GRIA3: variants seen among roughly 807,000 people sequenced by gnomAD.
The protein encoded by GRIA3 is glutamate ionotropic receptor AMPA type subunit 3.
A neutral mutation model predicts 63.0 loss-of-function variants in GRIA3; 3 were observed. The ratio of observed to expected loss-of-function variants is 0.05; its 90% confidence interval spans 0.02 to 0.12. The LOEUF is 0.12. Ranked by LOEUF, GRIA3 falls within the 10% of genes least tolerant of loss-of-function variation. The probability of loss-of-function intolerance (pLI) is 1.00; values close to 1 mark genes in which losing one functional copy is unlikely to be tolerated. For synonymous variants in GRIA3, 274 were observed against 257.9 expected, an observed-to-expected ratio of 1.06 and a Z score of -0.60; for missense variants, 347 against 700.9, an observed-to-expected ratio of 0.50 and a Z score of 5.70.
intron 5 of GRIA3, among the ~76,000 whole-genome samples, chrX:123,387,235 C>G (rs1190719586): frequency 9.0e-6 from 1 of 111,104 alleles, no homozygotes; most frequent in East Asian, 2.8e-4. Context: ...ATTTCTCTCT[C>G]AGCTAGATCA....
intron 12 of GRIA3, among the ~76,000 whole-genome samples, chrX:123,434,092 T>C (rs1222745875): frequency 9.0e-6 from 1 of 111,692 alleles, no homozygotes; most frequent in Non-Finnish European, 1.9e-5. Flanking sequence ...TTGAAGTATA[T>C]GCAGGAAGGG....
In GRIA3 at chrX:123,326,369, GAA is replaced by G. The variant is rs56808544; in HGVS notation, c.696+172_696+173del. On this transcript the variant is annotated intron_variant, in intron 4 of 15. Coordinates refer to ENST00000620443, the MANE Select transcript of GRIA3 (RefSeq NM_007325.5). ...CCTTTTTTCCTCCCCAGTGGCTGCA[GAA>G]AAAAAAAAAAAAAAAGAAAGAAAGA... Among the ~76,000 whole-genome samples, 10,248 of 69,797 alleles carry G rather than the reference GAA, an allele frequency of 0.15. 574 individuals carry two copies. Among genetic ancestry groups the G allele is most frequent in the South Asian group, 0.34 (403 of 1,194 alleles). 60.6% of individuals were successfully genotyped at this position (69,797 alleles called of 115,157 possible). A position where few individuals can be genotyped will look rare whatever the true frequency, so the allele number is the denominator to read the frequency against.
At chrX:123,450,306 A>T (rs1336800436) in intron 12 of GRIA3, among the ~76,000 whole-genome samples, 1 of 112,402 alleles carries the variant, frequency 8.9e-6, no homozygotes, top group Non-Finnish European at 1.9e-5. Context: ...AAGAAGATCA[A>T]GGTTATATAA....
chrX:123,443,030 A>T (rs918865632), intron 12 of GRIA3, among the ~76,000 whole-genome samples: 1 of 109,731 alleles, frequency 9.1e-6, no homozygotes, highest in Non-Finnish European at 1.9e-5. Flanking sequence ...AAAAGGAAAA[A>T]CCTTTCCTCT....
At chrX:123,362,149 A>G (rs756897464) in intron 5 of GRIA3, among the ~76,000 whole-genome samples, 8 of 111,490 alleles carry the variant, frequency 7.2e-5, no homozygotes, top group Non-Finnish European at 1.3e-4. Flanking sequence ...TTCTATATAT[A>G]CCACTGTATG....
intron 2 of GRIA3, among the ~76,000 whole-genome samples, chrX:123,238,974 G>T (rs747352000): frequency 1.8e-5 from 2 of 110,626 alleles, no homozygotes; most frequent in Non-Finnish European, 3.8e-5. Flanking sequence ...TATATCTCCA[G>T]CATCTGGCAC....
At chrX:123,332,385 T>C (rs1236565274) in intron 4 of GRIA3, among the ~76,000 whole-genome samples, 1 of 112,031 alleles carries the variant, frequency 8.9e-6, no homozygotes, top group East Asian at 2.8e-4. Flanking sequence ...TGTATGTGTA[T>C]ATATGTGTAT....
chrX:123,289,777 C>A (rs1004397897), intron 3 of GRIA3, among the ~76,000 whole-genome samples: 94 of 110,605 alleles, frequency 8.5e-4, no homozygotes, highest in Non-Finnish European at 2.7e-4. Flanking sequence ...TCCACCCCCC[C>A]AACCAAGACA....
rs758336089 is a variant in GRIA3 at position 123,423,928 on chromosome X, T to C, written c.1878-4013T>C. Reference sequence around the variant, plus strand: ...AACAAGAGCATTGTATATTATTTGATGTACGTATTTTGCAGTGCTTTTTAT... The same window carrying C: ...AACAAGAGCATTGTATATTATTTGACGTACGTATTTTGCAGTGCTTTTTAT... On this transcript the variant is annotated intron_variant, in intron 11 of 15. Transcript: ENST00000620443. 2.0e-3 allele frequency among the ~76,000 whole-genome samples: 221 copies of C among 112,132 alleles called. 1 individual carries two copies. The highest frequency in any genetic ancestry group is 3.2e-3 in the Admixed American group (34 of 10,514).
At chrX:123,229,951 G>A (rs16997198) in intron 2 of GRIA3, among the ~76,000 whole-genome samples, 3,127 of 111,767 alleles carry the variant, frequency 0.028, 118 homozygotes, top group African/African-American at 0.097. Flanking sequence ...AAGGACTAAA[G>A]CTTCCCAGGG....
In GRIA3 at chrX:123,408,106, C is replaced by T. The variant is rs188687762; in HGVS notation, c.1500+3192C>T. ...GTTCCTGAGTAGCTGGGACTACAGG[C>T]ACCTGCCACCTTGCCCAGCTAATAT... On this transcript the variant is annotated intron_variant, in intron 10 of 15. Coordinates refer to ENST00000620443, the MANE Select transcript of GRIA3 (RefSeq NM_007325.5). Among the ~76,000 whole-genome samples the T allele has an allele frequency of 3.6e-3, 396 of 110,812 alleles. 3 individuals carry two copies. Among genetic ancestry groups the T allele is most frequent in the Non-Finnish European group, 5.3e-3 (282 of 52,865 alleles).
At chrX:123,479,814 T>C (rs778506427) in intron 13 of GRIA3, among the ~76,000 whole-genome samples, 18 of 111,902 alleles carry the variant, frequency 1.6e-4, no homozygotes, top group Non-Finnish European at 2.6e-4. Context: ...GGAGTGCCTT[T>C]TTTTCTATCC....
intron 12 of GRIA3, among the ~76,000 whole-genome samples, chrX:123,451,822 G>A (rs1203898051): frequency 9.0e-6 from 1 of 111,073 alleles, no homozygotes; most frequent in African/African-American, 3.3e-5. Context: ...GCCATGCTAA[G>A]TTGGAGATAC....
intron 5 of GRIA3, among the ~76,000 whole-genome samples, chrX:123,364,752 T>C (rs2045199270): frequency 8.9e-6 from 1 of 112,600 alleles, no homozygotes; most frequent in African/African-American, 3.2e-5. Flanking sequence ...GGAAATGTGG[T>C]ATATGTACAC....
intron 3 of GRIA3, among the ~76,000 whole-genome samples, chrX:123,276,447 C>T (rs2044555071): frequency 8.9e-6 from 1 of 111,906 alleles, no homozygotes; most frequent in South Asian, 3.7e-4. Flanking sequence ...CCTTTCCTCC[C>T]TCACTGAGCC....
chrX:123,268,796 C>T (rs988396796), intron 3 of GRIA3, among the ~76,000 whole-genome samples: 5 of 111,698 alleles, frequency 4.5e-5, no homozygotes, highest in East Asian at 5.6e-4. Context: ...CCAGATTTAT[C>T]GCGTTAAGCC....
chrX:123,457,129 T>C (rs2045766324), intron 12 of GRIA3, among the ~76,000 whole-genome samples: 1 of 111,727 alleles, frequency 9.0e-6, no homozygotes, highest in Admixed American at 9.5e-5. Flanking sequence ...CATATTTCCC[T>C]TTCTTAGTGT....
chrX:123,237,261 G>T (rs977018985), intron 2 of GRIA3, among the ~76,000 whole-genome samples: 4 of 112,078 alleles, frequency 3.6e-5, no homozygotes, highest in Non-Finnish European at 7.5e-5. Flanking sequence ...ACCTGTGGAA[G>T]ACAATTTTAG....
chrX:123,475,145 T>G (rs1467248782), intron 13 of GRIA3, among the ~76,000 whole-genome samples: 2 of 111,693 alleles, frequency 1.8e-5, no homozygotes, highest in African/African-American at 6.5e-5. Flanking sequence ...AATTCCCATT[T>G]CTCTCACTCT....
Sources: allele counts gnomAD v4.1 joint callset (sites outside exome capture counted in the v4.1 genomes callset), GRCh38; gene constraint gnomAD v4.1.1; transcripts MANE v1.5; gene names NCBI Gene and HGNC (gene_info 2026-07-23, HGNC 2026-07-21).